ANKS1B: variants seen among roughly 807,000 people sequenced by gnomAD.
ANKS1B encodes ankyrin repeat and sterile alpha motif domain containing 1B, also known as ankyrin repeat and sterile alpha motif domain-containing protein 1B.
ANKS1B carries 36 observed loss-of-function variants against 148.3 expected under a neutral mutation model. That is an observed-to-expected ratio of 0.24 (90% CI 0.19 to 0.32). The LOEUF is 0.32. Ranked by LOEUF, ANKS1B falls within the 10% of genes least tolerant of loss-of-function variation. The pLI is 1.00. For synonymous variants in ANKS1B, 542 were observed against 560.8 expected (o/e 0.97, Z 0.47); for missense variants, 1,157 against 1,542.6 (o/e 0.75, Z 4.19).
chr12:99,542,786 T>C (rs554644590), intron 9 of ANKS1B, among the ~76,000 whole-genome samples: 18 of 152,186 alleles, frequency 1.2e-4, no homozygotes, highest in African/African-American at 3.6e-4. Flanking sequence ...TCTATCCACA[T>C]GCAAAAGAAT....
At chr12:99,166,937 A>T (rs2077240031) in intron 14 of ANKS1B, among the ~76,000 whole-genome samples, 1 of 152,088 alleles carries the variant, frequency 6.6e-6, no homozygotes, top group Admixed American at 6.5e-5. Flanking sequence ...GAAACAAAAT[A>T]GTGGTTTCAG....
At chr12:98,901,673 A>G (rs1398332981) in intron 17 of ANKS1B, among the ~76,000 whole-genome samples, 3 of 152,222 alleles carry the variant, frequency 2.0e-5, no homozygotes, top group Admixed American at 6.5e-5. Context: ...AGGGCACAAA[A>G]TAGAAGTCAG....
At chr12:99,010,751 A>T (rs1363199697) in intron 17 of ANKS1B, among the ~76,000 whole-genome samples, 54 of 130,464 alleles carry the variant, frequency 4.1e-4, no homozygotes, top group African/African-American at 1.8e-3. Flanking sequence ...TATTATTATT[A>T]TTATTATTAT....
Position 99,782,020 on chromosome 12 carries a change from A to G in ANKS1B, c.745+2T>C. 3 of 1,598,168 alleles carry G rather than the reference A, an allele frequency of 1.9e-6. No individual in the cohort carries two copies. The highest frequency in any genetic ancestry group is 8.5e-7 in the Non-Finnish European group (1 of 1,171,890). Reference sequence around the variant, plus strand: ...AGCTCCATGCAGAATCACAATAGTTACCTGTTTCTAACAGAACTCGTACAA... The same window carrying G: ...AGCTCCATGCAGAATCACAATAGTTGCCTGTTTCTAACAGAACTCGTACAA... On this transcript the variant is annotated splice_donor_variant, in intron 5 of 26. Transcript: ENST00000683438. LOFTEE classifies it high-confidence loss of function.
chr12:99,589,758 C>A (rs1488323150), intron 9 of ANKS1B, among the ~76,000 whole-genome samples: 1 of 151,966 alleles, frequency 6.6e-6, no homozygotes, highest in African/African-American at 2.4e-5. Flanking sequence ...ATGTATGGTA[C>A]AATAGGGCGA....
At chr12:99,553,905 G>A (rs925785886) in intron 9 of ANKS1B, among the ~76,000 whole-genome samples, 4 of 152,168 alleles carry the variant, frequency 2.6e-5, no homozygotes, top group Non-Finnish European at 4.4e-5. Context: ...GTTCAAGGTT[G>A]AACAAATGAA....
At chr12:99,043,348 T>G (rs1344900177) in intron 17 of ANKS1B, among the ~76,000 whole-genome samples, 1 of 152,222 alleles carries the variant, frequency 6.6e-6, no homozygotes, top group African/African-American at 2.4e-5. Context: ...TGCCTGAATA[T>G]CTACAAAAAT....
intron 8 of ANKS1B, among the ~76,000 whole-genome samples, chr12:99,750,021 C>T (rs1195025760): frequency 1.3e-5 from 2 of 151,996 alleles, no homozygotes; most frequent in East Asian, 1.9e-4. Context: ...GACTTGTCCA[C>T]CAGACAGTAC....
intron 3 of ANKS1B, among the ~76,000 whole-genome samples, chr12:99,807,786 G>A (rs1356134569): frequency 6.6e-6 from 1 of 152,010 alleles, no homozygotes; most frequent in Non-Finnish European, 1.5e-5. Context: ...ACCGGGATTT[G>A]AACACAAGTA....
chr12:99,217,253 C>T (rs898843494), intron 14 of ANKS1B, among the ~76,000 whole-genome samples: 30 of 151,972 alleles, frequency 2.0e-4, no homozygotes, highest in African/African-American at 4.6e-4. Flanking sequence ...CTGAACAACA[C>T]GACTTAAAGT....
intron 17 of ANKS1B, among the ~76,000 whole-genome samples, chr12:98,956,145 G>T (rs1323427967): frequency 6.6e-6 from 1 of 152,158 alleles, no homozygotes. Flanking sequence ...TGTGACTGTG[G>T]TGAGTGGGCA....
chr12:99,317,977 G>A (rs908529644), intron 12 of ANKS1B, among the ~76,000 whole-genome samples: 2 of 152,126 alleles, frequency 1.3e-5, no homozygotes, highest in African/African-American at 4.8e-5. Context: ...TTATTGATTT[G>A]CATATGTTGA....
At chr12:99,962,267 C>T (rs11110155) in intron 1 of ANKS1B, among the ~76,000 whole-genome samples, 95,239 of 151,844 alleles carry the variant, frequency 0.63, 31,428 homozygotes, top group African/African-American at 0.77. Flanking sequence ...GTTCTCATTG[C>T]TCAACTCCCA....
At chr12:99,446,270 T>C (rs1249839589) in intron 10 of ANKS1B, among the ~76,000 whole-genome samples, 3 of 151,952 alleles carry the variant, frequency 2.0e-5, no homozygotes, top group African/African-American at 4.8e-5. Context: ...TGTTATTTCA[T>C]ATACAAAAAA....
intron 17 of ANKS1B, among the ~76,000 whole-genome samples, chr12:98,902,547 A>G (rs2099773521): frequency 6.6e-6 from 1 of 152,160 alleles, no homozygotes; most frequent in Non-Finnish European, 1.5e-5. Flanking sequence ...AGAGACTCAT[A>G]CTTGGAGTCT....
At chr12:98,873,557 T>C (rs139390527) in intron 17 of ANKS1B, among the ~76,000 whole-genome samples, 50 of 152,186 alleles carry the variant, frequency 3.3e-4, no homozygotes, top group Non-Finnish European at 5.6e-4. Flanking sequence ...GATAAGAAGA[T>C]GGAAAAGGTG....
chr12:99,378,516 G>A lies in ANKS1B; in HGVS notation c.1756+21115C>T, dbSNP rs547797540. Among the ~76,000 whole-genome samples, 20 of 151,924 alleles carry A rather than the reference G, an allele frequency of 1.3e-4. No homozygotes were observed. The East Asian group carries it at 2.5e-3, about 19-fold the overall frequency. On this transcript the variant is annotated intron_variant, in intron 12 of 26. Coordinates refer to ENST00000683438, the MANE Select transcript of ANKS1B (RefSeq NM_001352186.2). ...TAAAAATACAAAAAATTAGCTGGGC[G>A]TGGTGACATGCACCTGTAGTCTCAG...
intron 12 of ANKS1B, among the ~76,000 whole-genome samples, chr12:99,322,445 C>A (rs2085456712): frequency 6.9e-6 from 1 of 144,790 alleles, no homozygotes; most frequent in African/African-American, 2.6e-5. Context: ...AACAAACCTG[C>A]ACACTCTGTA....
chr12:98,895,208 T>G lies in ANKS1B; in HGVS notation c.2779-63072A>C, dbSNP rs937492067. On this transcript the variant is annotated intron_variant, in intron 17 of 26. Transcript: ENST00000683438. ...GCGGGGGCTGCAGGGCGCCTAGCAC[T>G]GGGGGTTGCCGGCGCGCGGGGGCCT... is the stretch of plus-strand genomic sequence containing the variant. 14 of 984,692 alleles carry G rather than the reference T, an allele frequency of 1.4e-5. No individual in the cohort carries two copies. In the African/African-American group the frequency reaches 2.5e-4, roughly 17 times the overall value. The allele number at this position is 984,692 out of a possible 1,614,324, so 61.0% of individuals were successfully genotyped here.
Sources: allele counts gnomAD v4.1 joint callset (sites outside exome capture counted in the v4.1 genomes callset), GRCh38; gene constraint gnomAD v4.1.1; transcripts MANE v1.5; gene names NCBI Gene and HGNC (gene_info 2026-07-23, HGNC 2026-07-21).